The following TRAPPC9 variants were observed in gnomAD, a reference collection of about 807,000 sequenced individuals.
TRAPPC9 encodes trafficking protein particle complex subunit 9, also known as IKK2 binding protein.
Under a neutral mutation model 124.0 loss-of-function variants are expected in TRAPPC9, and 83 were observed. The ratio of observed to expected loss-of-function variants is 0.67; its 90% confidence interval spans 0.56 to 0.80. The LOEUF is 0.80. Among genes scored for constraint, TRAPPC9 ranks in the 30% least tolerant of loss-of-function variants. The pLI is 0.00. For missense variants in TRAPPC9, 1,302 were observed against 1,508.3 expected (o/e 0.86, Z 2.27); for synonymous variants, 638 against 617.5 (o/e 1.03, Z -0.49).
intron 7 of TRAPPC9, among the ~76,000 whole-genome samples, chr8:140,385,181 G>C (rs1333009589): frequency 6.6e-6 from 1 of 152,144 alleles, no homozygotes; most frequent in Non-Finnish European, 1.5e-5. Flanking sequence ...TGTGTAGAGG[G>C]AAATTTATAG....
In TRAPPC9 at chr8:140,241,950, G is replaced by GC. The variant is rs1256433063; in HGVS notation, c.2431+10826dup. Among the ~76,000 whole-genome samples the GC allele has an allele frequency of 6.6e-6, 1 of 152,164 alleles. No homozygotes were observed. Among genetic ancestry groups the GC allele is most frequent in the Non-Finnish European group, 1.5e-5 (1 of 68,026 alleles). On this transcript the variant is annotated intron_variant, in intron 16 of 22. Transcript: ENST00000438773. This position sits in a 1 kb window ranked among gnomAD's most constrained non-coding sequence, Gnocchi z 5.0. ...ACGTGGGAGACTCAGGGAAGGATGAGCTCGAGCTCTGCCACCACAGGACAT... is the reference window on the plus strand; with the variant it reads ...ACGTGGGAGACTCAGGGAAGGATGAGCCTCGAGCTCTGCCACCACAGGACAT...
chr8:140,371,193 G>T lies in TRAPPC9; in HGVS notation c.1135-13C>A. The T allele has an allele frequency of 6.2e-7, 1 of 1,600,654 alleles. No homozygotes were observed. The highest frequency in any genetic ancestry group is 1.1e-5 in the South Asian group (1 of 89,680). On this transcript the variant is annotated splice_polypyrimidine_tract_variant and intron_variant, in intron 7 of 22. Transcript: ENST00000438773. ...CTTCCTCAGAAAGCTGAAGCACAGAGAGAAAGTAAAAAGCTTTTGAAAGAA... is the reference window on the plus strand; with the variant it reads ...CTTCCTCAGAAAGCTGAAGCACAGATAGAAAGTAAAAAGCTTTTGAAAGAA...
rs372761412 is a variant in TRAPPC9, at chr8:139,762,396, G to A, written c.3056-30194C>T. 9.2e-4 allele frequency among the ~76,000 whole-genome samples: 140 copies of A among 152,272 alleles called. 1 individual carries two copies. Among genetic ancestry groups the A allele is most frequent in the African/African-American group, 2.1e-3 (89 of 41,548 alleles). ...GGTTCTGAGAAATGCGTCATTAGGC[G>A]ATTTGTCCTAGTGTGAACATCACAG... On this transcript the variant is annotated intron_variant, in intron 21 of 22. Transcript: ENST00000438773.
intron 21 of TRAPPC9, among the ~76,000 whole-genome samples, chr8:139,831,655 C>T (rs1468346151): frequency 3.3e-5 from 5 of 152,248 alleles, no homozygotes. Flanking sequence ...CCAGCCTCTC[C>T]ATCCAGTCAT....
At chr8:140,123,483 CCT>C (rs2061025286) in intron 17 of TRAPPC9, among the ~76,000 whole-genome samples, 1 of 152,176 alleles carries the variant, frequency 6.6e-6, no homozygotes, top group African/African-American at 2.4e-5. Flanking sequence ...CTCTCCCTGC[CCT>C]GCCCTCACAG....
At chr8:140,302,013 T>C (rs548056496) in intron 10 of TRAPPC9, among the ~76,000 whole-genome samples, 2 of 152,378 alleles carry the variant, frequency 1.3e-5, no homozygotes, top group African/African-American at 2.4e-5. Flanking sequence ...GGGTTAATTT[T>C]TCTGCCACAG....
intron 17 of TRAPPC9, among the ~76,000 whole-genome samples, chr8:140,189,119 A>C (rs931105244): frequency 5.9e-5 from 9 of 152,274 alleles, no homozygotes; most frequent in Middle Eastern, 3.4e-3. Flanking sequence ...ACCTTCACTA[A>C]AACTGCCTTC....
intron 9 of TRAPPC9, among the ~76,000 whole-genome samples, chr8:140,358,426 C>T (rs537445000): frequency 7.9e-5 from 12 of 152,250 alleles, no homozygotes; most frequent in African/African-American, 2.2e-4. Flanking sequence ...AGGCTGGTCT[C>T]GATCTCCTGA....
chr8:140,011,670 A>AT (rs56884853), intron 18 of TRAPPC9, among the ~76,000 whole-genome samples: 4,731 of 62,596 alleles, frequency 0.076, 502 homozygotes, highest in Non-Finnish European at 0.091. Flanking sequence ...CACCCAGCTA[A>AT]TTTTTTTTTT....
At position 139,959,329 on chromosome 8, in the gene TRAPPC9, T is replaced by C. The variant is rs1835222535; in HGVS notation, c.2810+29397A>G. ...ACTTCACCGAGCACTTGCTGAGGGCTTCCTCTGTGCCAGGTACTCTTTTGG... is the reference window on the plus strand; with the variant it reads ...ACTTCACCGAGCACTTGCTGAGGGCCTCCTCTGTGCCAGGTACTCTTTTGG... On this transcript the variant is annotated intron_variant, in intron 19 of 22. Coordinates refer to ENST00000438773, the MANE Select transcript of TRAPPC9 (RefSeq NM_001160372.4). Among the ~76,000 whole-genome samples the C allele has an allele frequency of 2.6e-5, 4 of 152,236 alleles. No homozygotes were observed. The South Asian group carries it at 8.3e-4, about 32-fold the overall frequency.
At chr8:140,178,082 A>T (rs1228788855) in intron 17 of TRAPPC9, among the ~76,000 whole-genome samples, 2 of 152,146 alleles carry the variant, frequency 1.3e-5, no homozygotes, top group Non-Finnish European at 2.9e-5. Context: ...TTTTCTGTGA[A>T]TAACGAGTTT....
At chr8:140,424,091 G>A (rs2070336074) in intron 5 of TRAPPC9, among the ~76,000 whole-genome samples, 1 of 152,044 alleles carries the variant, frequency 6.6e-6, no homozygotes, top group Admixed American at 6.6e-5. Context: ...TACTAAAAAT[G>A]ACTGGATTTT....
At chr8:140,008,472 C>T (rs1282951336) in intron 18 of TRAPPC9, 1 of 152,278 alleles carries the variant, frequency 6.6e-6, no homozygotes, top group Non-Finnish European at 1.5e-5. Flanking sequence ...CTTACCTTGC[C>T]CTGGAATATT....
chr8:139,937,623 A>G (rs1443212683), intron 19 of TRAPPC9, among the ~76,000 whole-genome samples: 1 of 152,066 alleles, frequency 6.6e-6, no homozygotes, highest in Non-Finnish European at 1.5e-5. Context: ...CGTCGTCCAC[A>G]CTGGAGGCAG....
In TRAPPC9 at chr8:140,182,530, C is replaced by T. The variant is rs1163280790; in HGVS notation, c.2556+38929G>A. On this transcript the variant is annotated intron_variant, in intron 17 of 22. Coordinates refer to ENST00000438773, the MANE Select transcript of TRAPPC9 (RefSeq NM_001160372.4). This position sits in a 1 kb window ranked among gnomAD's most constrained non-coding sequence, Gnocchi z 4.0. ...GCCCTAACTTCATACTATTTTAAGG[C>T]AATTTAGTGCACGCTGATCTAAGCT... Among the ~76,000 whole-genome samples the T allele has an allele frequency of 6.6e-6, 1 of 152,122 alleles. No individual in the cohort carries two copies. Among genetic ancestry groups the T allele is most frequent in the East Asian group, 1.9e-4 (1 of 5,176 alleles).
Position 139,988,799 on chromosome 8 carries a change from A to T in TRAPPC9, c.2737T>A (p.Ser913Thr). ...QCHLLLDVFN[S>T]TEHELTVSTR... is the part of the protein sequence containing the mutation. ...CTGACGGTCAGCTCATGCTCGGTGG[A>T]GTTGAAGACATCCAGGAGCAGGTGA... The change falls in exon 19 of 23, where the codon TCC (serine) becomes ACC (threonine). Residue 913 changes from serine to threonine, a missense_variant. By Grantham distance (58) the Ser-to-Thr change is moderately conservative. This residue lies in a region of TRAPPC9 where 640 missense variants were observed against 679.3 expected (regional missense o/e 0.94). Transcript: ENST00000438773. 1.3e-6 allele frequency: 2 copies of T among 1,551,502 alleles called. No homozygotes were observed. Among genetic ancestry groups the T allele is most frequent in the Non-Finnish European group, 1.7e-6 (2 of 1,146,952 alleles).
intron 5 of TRAPPC9, among the ~76,000 whole-genome samples, chr8:140,421,984 C>CAAAAAAAAAAA (rs35152459): frequency 2.3e-5 from 1 of 43,958 alleles, no homozygotes; most frequent in African/African-American, 9.3e-5. Context: ...TCCCTCATGA[C>CAAAAAAAAAAA]AAAAAAAAAA....
At chr8:139,766,311 G>A (rs1314142272) in intron 21 of TRAPPC9, among the ~76,000 whole-genome samples, 2 of 152,118 alleles carry the variant, frequency 1.3e-5, no homozygotes, top group Non-Finnish European at 2.9e-5. Flanking sequence ...CCCGTACTGG[G>A]GTCTGGCCAT....
intron 19 of TRAPPC9, among the ~76,000 whole-genome samples, chr8:139,983,068 A>T (rs1837016643): frequency 6.6e-6 from 1 of 152,224 alleles, no homozygotes; most frequent in Non-Finnish European, 1.5e-5. Flanking sequence ...CAGGGAGGTG[A>T]TCAGCTCATG....
Sources: gnomAD v4.1 joint callset for allele counts (sites outside exome capture counted in the v4.1 genomes callset) on GRCh38, gnomAD v4.1.1 for gene constraint, gnomAD v4.1.1 regional missense constraint, Gnocchi (gnomAD v3.1) non-coding constraint, MANE v1.5 for transcripts, NCBI Gene and HGNC (gene_info 2026-07-23, HGNC 2026-07-21) for gene names.